Variants in PALM2AKAP2 observed in about 807,000 individuals in gnomAD.
The protein encoded by PALM2AKAP2 is PALM2-AKAP2 fusion protein.
A neutral mutation model predicts 71.5 loss-of-function variants in PALM2AKAP2; 37 were observed. The observed-to-expected ratio is 0.52, with a 90% confidence interval of 0.40 to 0.68. PALM2AKAP2 has a LOEUF of 0.68. Among genes scored for constraint, PALM2AKAP2 ranks in the 30% least tolerant of loss-of-function variants. PALM2AKAP2 has a pLI of 0.00. For synonymous variants in PALM2AKAP2, 468 were observed against 478.8 expected (o/e 0.98, Z 0.29); for missense variants, 1,224 against 1,191.8 (o/e 1.03, Z -0.40).
intron 1 of PALM2AKAP2, 85 bp downstream of exon 1, chr9:109,780,618 A>T (rs527843532): frequency 6.4e-7 from 1 of 1,566,294 alleles, no homozygotes; most frequent in East Asian, 2.2e-5. Flanking sequence ...GCGGCATGCC[A>T]GCACAGTAGC....
intron 3 of PALM2AKAP2, among the ~76,000 whole-genome samples, chr9:109,918,193 G>A (rs1554726385): frequency 6.6e-6 from 1 of 152,190 alleles, no homozygotes; most frequent in Non-Finnish European, 1.5e-5. Context: ...TCAGCATAGT[G>A]CCTGATACAG....
chr9:110,134,120 C>CA lies in PALM2AKAP2; in HGVS notation c.157-2001dup, dbSNP rs563117811. 3.3e-5 allele frequency among the ~76,000 whole-genome samples: 5 copies of CA among 151,914 alleles called. No individual in the cohort carries two copies. The South Asian group carries it at 1.0e-3, about 32-fold the overall frequency. On this transcript the variant is annotated intron_variant, in intron 1 of 3. Transcript: ENST00000374525. ...GCAACATAGCGAGACTCTATCTCTA[C>CA]AAAAAATTTTAAAAATTAGCCAGGC...
chr9:109,787,932 TC>T (rs1827012265), intron 1 of PALM2AKAP2, among the ~76,000 whole-genome samples: 1 of 152,234 alleles, frequency 6.6e-6, no homozygotes, highest in Non-Finnish European at 1.5e-5. Flanking sequence ...AGTAAGCCTA[TC>T]AGCACCCCTG....
intron 1 of PALM2AKAP2, among the ~76,000 whole-genome samples, chr9:109,712,931 T>A (rs1389830200): frequency 6.6e-6 from 1 of 152,246 alleles, no homozygotes; most frequent in Non-Finnish European, 1.5e-5. Context: ...CATTTGGTCC[T>A]AGTCCTGCTT....
At chr9:109,833,139 G>A (rs1352492115) in intron 1 of PALM2AKAP2, among the ~76,000 whole-genome samples, 2 of 152,052 alleles carry the variant, frequency 1.3e-5, no homozygotes, top group Non-Finnish European at 1.5e-5. Flanking sequence ...GGTGGATCAC[G>A]AGGTCAGGAG....
At chr9:110,009,875 G>A (rs1015517548) in intron 6 of PALM2AKAP2, among the ~76,000 whole-genome samples, 15 of 152,042 alleles carry the variant, frequency 9.9e-5, no homozygotes, top group African/African-American at 3.6e-4. Flanking sequence ...CTTTGTTCTG[G>A]TGGCACACCT....
At chr9:110,134,142 A>C (rs1404638721) in intron 1 of PALM2AKAP2, among the ~76,000 whole-genome samples, 1 of 152,046 alleles carries the variant, frequency 6.6e-6, no homozygotes, top group African/African-American at 2.4e-5. Flanking sequence ...AAAATTAGCC[A>C]GGCATGGTAA....
chr9:109,669,395 G>A (rs953520619), intron 1 of PALM2AKAP2, among the ~76,000 whole-genome samples: 2 of 151,616 alleles, frequency 1.3e-5, no homozygotes, highest in African/African-American at 4.8e-5. Context: ...AACAAATATT[G>A]TTGTAATTTT....
rs558226295 is a variant in PALM2AKAP2, at chr9:109,939,940, A to T, written c.496+7912A>T. On this transcript the variant is annotated intron_variant, in intron 6 of 9. Coordinates refer to the PALM2AKAP2 transcript ENST00000302798. ...TCATAATCTTTTTAGTTAAGTGTTA[A>T]CCAGGAACAGAGTGTATCTTATTAT... is the stretch of plus-strand genomic sequence containing the variant. 3.6e-4 allele frequency among the ~76,000 whole-genome samples: 55 copies of T among 152,376 alleles called. 1 individual carries two copies. The highest frequency in any genetic ancestry group is 2.6e-3 in the Admixed American group (40 of 15,308).
At chr9:109,797,240 G>A (rs1479774711) in intron 1 of PALM2AKAP2, among the ~76,000 whole-genome samples, 2 of 152,170 alleles carry the variant, frequency 1.3e-5, no homozygotes, top group African/African-American at 4.8e-5. Flanking sequence ...AGCATGGGAA[G>A]GGAAGCTTCT....
intron 1 of PALM2AKAP2, among the ~76,000 whole-genome samples, chr9:109,847,155 G>A (rs1742053573): frequency 6.6e-6 from 1 of 152,136 alleles, no homozygotes; most frequent in South Asian, 2.1e-4. Context: ...ATGCAATTAG[G>A]AATCTTGAGA....
intron 1 of PALM2AKAP2, among the ~76,000 whole-genome samples, chr9:110,135,778 CT>C (rs1438357305): frequency 5.9e-5 from 9 of 152,220 alleles, no homozygotes; most frequent in African/African-American, 2.2e-4. Context: ...AAAGGACCTT[CT>C]TTTTGCAATC....
intron 1 of PALM2AKAP2, among the ~76,000 whole-genome samples, chr9:109,857,644 A>G (rs767755621): frequency 2.6e-4 from 39 of 152,184 alleles, no homozygotes; most frequent in Non-Finnish European, 4.0e-4. Context: ...AGCTCTGAAC[A>G]TGTCTCTTTT....
At chr9:109,948,916 T>A (rs1476412094) in intron 6 of PALM2AKAP2, among the ~76,000 whole-genome samples, 2 of 152,264 alleles carry the variant, frequency 1.3e-5, no homozygotes, top group Non-Finnish European at 2.9e-5. Flanking sequence ...TTTGACAGTT[T>A]GCCTTAGCAT....
chr9:110,084,925 A>C (rs1187252657), intron 1 of PALM2AKAP2, among the ~76,000 whole-genome samples: 1 of 151,670 alleles, frequency 6.6e-6, no homozygotes, highest in Non-Finnish European at 1.5e-5. Flanking sequence ...TATTTTTAGT[A>C]GAGATGGGAT....
chr9:109,954,658 TAAAAAAA>T (rs56743395), intron 6 of PALM2AKAP2, among the ~76,000 whole-genome samples: 5 of 107,940 alleles, frequency 4.6e-5, no homozygotes, highest in African/African-American at 1.4e-4. Flanking sequence ...TAAAGTATAA[TAAAAAAA>T]AAAAAAAAAA....
chr9:109,743,785 T>C (rs1216586412), intron 1 of PALM2AKAP2, among the ~76,000 whole-genome samples: 1 of 152,216 alleles, frequency 6.6e-6, no homozygotes, highest in Non-Finnish European at 1.5e-5. Context: ...CCTGCACACT[T>C]TGATAACAGG....
intron 3 of PALM2AKAP2, among the ~76,000 whole-genome samples, chr9:109,919,269 G>T (rs1830767856): frequency 6.6e-6 from 1 of 152,200 alleles, no homozygotes; most frequent in Non-Finnish European, 1.5e-5. Flanking sequence ...GGGAAGCTGA[G>T]GCCCTGGCCC....
chr9:109,724,797 C>A (rs767923575), intron 1 of PALM2AKAP2, among the ~76,000 whole-genome samples: 1 of 152,034 alleles, frequency 6.6e-6, no homozygotes, highest in Non-Finnish European at 1.5e-5. Flanking sequence ...GACTCAAAAG[C>A]CTTCATTTTC....
Sources: allele counts gnomAD v4.1 joint callset (sites outside exome capture counted in the v4.1 genomes callset), GRCh38; gene constraint gnomAD v4.1.1; transcripts MANE v1.5; gene names NCBI Gene and HGNC (gene_info 2026-07-23, HGNC 2026-07-21).